Variants in LRRC18 observed in about 807,000 individuals in gnomAD.
LRRC18 encodes leucine rich repeat containing 18, also known as leucine-rich repeat-containing protein 18.
A neutral mutation model predicts 11.2 loss-of-function variants in LRRC18; 12 were observed. The ratio of observed to expected loss-of-function variants is 1.07; its 90% CI spans 0.69 to 1.74. The LOEUF is 1.74. LRRC18 is among the 40% of genes most tolerant of loss of function. The pLI is 0.00. For missense variants in LRRC18, 374 were observed against 330.5 expected (o/e 1.13, Z -1.02); for synonymous variants, 155 against 130.6 (o/e 1.19, Z -1.27).
upstream of LRRC18, among the ~76,000 whole-genome samples, chr10:48,918,706 G>T (rs926706347): frequency 6.6e-6 from 1 of 152,126 alleles, no homozygotes; most frequent in African/African-American, 2.4e-5. Context: ...CTCAACCTTG[G>T]CTCTGTTGAC....
At chr10:48,938,106 G>C in the LRRC18 span, among the ~76,000 whole-genome samples, 19 of 152,308 alleles carry the variant, frequency 1.2e-4, no homozygotes, top group African/African-American at 4.6e-4. Flanking sequence ...TGTGGCTTGC[G>C]TATGCCTAGT....
chr10:48,938,979 C>T, the LRRC18 span, among the ~76,000 whole-genome samples: 132,166 of 152,166 alleles, frequency 0.87, 59,255 homozygotes, highest in South Asian at 0.98. Flanking sequence ...TGGCTTCATT[C>T]GAGTTCTTCT....
At chr10:48,931,873 A>G in the LRRC18 span, among the ~76,000 whole-genome samples, 1 of 152,182 alleles carries the variant, frequency 6.6e-6, no homozygotes, top group Admixed American at 6.5e-5. Flanking sequence ...TATTGCCAGG[A>G]GAATTGAGAA....
chr10:48,913,933 G>T, exon 1 of LRRC18: 1 of 1,614,126 alleles, frequency 6.2e-7, no homozygotes, highest in Non-Finnish European at 8.5e-7. Flanking sequence ...AGCCACCGGA[G>T]GTTCTGGAAC....
chr10:48,922,055 G>A, the LRRC18 span, among the ~76,000 whole-genome samples: 43,191 of 152,088 alleles, frequency 0.28, 7,047 homozygotes, highest in East Asian at 0.6. Flanking sequence ...GCCCCAAACA[G>A]AAAAATAATA....
chr10:48,915,342 A>G (rs1232854555), upstream of LRRC18, among the ~76,000 whole-genome samples: 1 of 152,048 alleles, frequency 6.6e-6, no homozygotes, highest in Non-Finnish European at 1.5e-5. Context: ...AGCCAGGAAG[A>G]GGACGCAACT....
At chr10:48,913,029 T>G (rs1838147022) in intron 1 of LRRC18, among the ~76,000 whole-genome samples, 1 of 152,194 alleles carries the variant, frequency 6.6e-6, no homozygotes, top group Non-Finnish European at 1.5e-5. Context: ...GATCTGGCAG[T>G]GGGCTCTGAA....
chr10:48,937,533 A>G, the LRRC18 span, among the ~76,000 whole-genome samples: 1 of 152,124 alleles, frequency 6.6e-6, no homozygotes, highest in South Asian at 2.1e-4. Flanking sequence ...TCCTTGCCCC[A>G]CACCTCCATA....
In LRRC18 at chr10:48,910,268, G is replaced by C. The variant is rs1353147724; in HGVS notation, c.765-10C>G. ...AGATGTCAAGCGTATTCTGGGGATGGAGACACAAGAAGGTGAGGCAATTGC... is the reference window on the plus strand; with the variant it reads ...AGATGTCAAGCGTATTCTGGGGATGCAGACACAAGAAGGTGAGGCAATTGC... On this transcript the variant is annotated splice_polypyrimidine_tract_variant and intron_variant, in intron 1 of 1. Transcript: ENST00000374160. 1 of 1,613,502 alleles carries C rather than the reference G, an allele frequency of 6.2e-7. No individual in the cohort carries two copies. Among genetic ancestry groups the C allele is most frequent in the East Asian group, 2.2e-5 (1 of 44,876 alleles).
the LRRC18 span, among the ~76,000 whole-genome samples, chr10:48,932,932 C>A: frequency 6.6e-6 from 1 of 152,054 alleles, no homozygotes; most frequent in Admixed American, 6.5e-5. Context: ...GAGGGGAGGG[C>A]GAAGAGCTGA....
chr10:48,928,659 T>G, the LRRC18 span, among the ~76,000 whole-genome samples: 1 of 152,232 alleles, frequency 6.6e-6, no homozygotes, highest in Non-Finnish European at 1.5e-5. Context: ...GAATTCTTTC[T>G]GCACTTCACA....
At chr10:48,934,088 A>G in the LRRC18 span, among the ~76,000 whole-genome samples, 2 of 152,172 alleles carry the variant, frequency 1.3e-5, no homozygotes, top group African/African-American at 2.4e-5. Flanking sequence ...AGAGCAGCTT[A>G]CAGGCCTGTC....
At chr10:48,910,519 C>A (rs1033560031) in intron 1 of LRRC18, among the ~76,000 whole-genome samples, 2 of 152,166 alleles carry the variant, frequency 1.3e-5, no homozygotes, top group Non-Finnish European at 2.9e-5. Context: ...AACATCAAAC[C>A]TTTTCCTTGG....
chr10:48,917,994 C>T (rs1838708194), upstream of LRRC18, among the ~76,000 whole-genome samples: 1 of 152,180 alleles, frequency 6.6e-6, no homozygotes, highest in African/African-American at 2.4e-5. Context: ...GGGTTTTACA[C>T]TGCTTTTGAA....
chr10:48,932,694 T>C, the LRRC18 span: 1 of 151,362 alleles, frequency 6.6e-6, no homozygotes, highest in Non-Finnish European at 1.5e-5. Flanking sequence ...CAAGGAGCAT[T>C]TCAGTTGGTG....
chr10:48,919,788 A>G, the LRRC18 span, among the ~76,000 whole-genome samples: 1 of 152,232 alleles, frequency 6.6e-6, no homozygotes, highest in Non-Finnish European at 1.5e-5. Flanking sequence ...TGGAGATCAG[A>G]GTTTCAATAC....
chr10:48,938,942 A>G, the LRRC18 span, among the ~76,000 whole-genome samples: 1 of 152,196 alleles, frequency 6.6e-6, no homozygotes, highest in African/African-American at 2.4e-5. Flanking sequence ...CAATAAGGCC[A>G]GGCCGGGTAA....
chr10:48,934,864 G>A, the LRRC18 span, among the ~76,000 whole-genome samples: 1 of 152,122 alleles, frequency 6.6e-6, no homozygotes, highest in African/African-American at 2.4e-5. Flanking sequence ...AGAGGATCCC[G>A]TGTGATCCCC....
At chr10:48,931,939 A>T in the LRRC18 span, among the ~76,000 whole-genome samples, 1 of 152,228 alleles carries the variant, frequency 6.6e-6, no homozygotes, top group African/African-American at 2.4e-5. Context: ...ATGGCCACCC[A>T]CATGTTAGTC....
Sources: gnomAD v4.1 joint callset for allele counts (sites outside exome capture counted in the v4.1 genomes callset) on GRCh38, gnomAD v4.1.1 for gene constraint, MANE v1.5 for transcripts, NCBI Gene and HGNC (gene_info 2026-07-23, HGNC 2026-07-21) for gene names.